TMF1: variants seen among roughly 807,000 people sequenced by gnomAD.
TMF1 encodes the protein TATA element modulatory factor.
TMF1 carries 71 observed loss-of-function variants against 126.5 expected under a neutral mutation model. The observed-to-expected ratio is 0.56, with a 90% CI of 0.46 to 0.68. TMF1 has a LOEUF of 0.68. Among genes scored for constraint, TMF1 ranks in the 30% least tolerant of loss-of-function variants. TMF1 has a pLI of 0.00. For synonymous variants in TMF1, 461 were observed against 430.5 expected, an observed-to-expected ratio of 1.07 and a Z score of -0.88; for missense variants, 1,259 against 1,253.2, an observed-to-expected ratio of 1.00 and a Z score of -0.07.
chr3:69,036,924 G>T (rs2107462473), intron 8 of TMF1, among the ~76,000 whole-genome samples: 1 of 152,146 alleles, frequency 6.6e-6, no homozygotes, highest in South Asian at 2.1e-4. Flanking sequence ...ACATAGATAA[G>T]CTAGACTTTG....
At position 69,048,470 on chromosome 3, in the gene TMF1, T is replaced by C. The variant is rs2091908565; in HGVS notation, c.235A>G (p.Lys79Glu). 3.1e-6 allele frequency: 5 copies of C among 1,614,052 alleles called. No individual in the cohort carries two copies. The African/African-American group carries it at 6.7e-5, about 22-fold the overall frequency. Residue 79 changes from lysine to glutamate, a missense_variant, in exon 2 of 17, where the codon AAA becomes GAA. Lys to Glu is a moderately conservative substitution (Grantham distance 56, BLOSUM62 1). Coordinates refer to ENST00000398559, the MANE Select transcript of TMF1 (RefSeq NM_007114.3). ...CTCCGAACTGGCTTTGTGATTGCTT[T>C]AGGAGAGGCTATTGGTGGACTCTGA... ...EPQSPPIASP[K>E]AITKPVRRTV...
At position 69,048,573 on chromosome 3, in the gene TMF1, A is replaced by G. The variant is rs1232339216; in HGVS notation, c.143-11T>C. On this transcript the variant is annotated splice_polypyrimidine_tract_variant and intron_variant, in intron 1 of 16. Transcript: ENST00000398559. Reference sequence around the variant, plus strand: ...CAGGGGAACTTATTCCTTTAACAAAAAAGTAAATATTAAAAAAGAACACAT... The same window carrying G: ...CAGGGGAACTTATTCCTTTAACAAAGAAGTAAATATTAAAAAAGAACACAT... 6.4e-7 allele frequency: 1 copy of G among 1,556,738 alleles called. No homozygotes were observed. The highest frequency in any genetic ancestry group is 8.7e-7 in the Non-Finnish European group (1 of 1,154,824).
intron 9 of TMF1, chr3:69,034,024 A>G (rs13073272): frequency 0.49 from 87,999 of 177,800 alleles, 22,442 homozygotes; most frequent in Admixed American, 0.59. Flanking sequence ...CATGTTGCTC[A>G]GGCTGGCCTC....
chr3:69,038,077 AC>A (rs1184305815), intron 8 of TMF1, among the ~76,000 whole-genome samples: 2 of 152,214 alleles, frequency 1.3e-5, no homozygotes, highest in Non-Finnish European at 2.9e-5. Flanking sequence ...ATATGTTCAC[AC>A]AAAAATTTGT....
Position 69,047,630 on chromosome 3 carries a change from T to C in TMF1, c.1075A>G (p.Ile359Val), listed in dbSNP as rs1471179381. 9 of 1,614,152 alleles carry C rather than the reference T, an allele frequency of 5.6e-6. No homozygotes were observed. The highest frequency in any genetic ancestry group is 7.6e-6 in the Non-Finnish European group (9 of 1,180,036). ...GACTTTGGAGTTGAAGAATTAACTA[T>C]AATAGGCACTAAAGCATATCCCTTG... Reference protein sequence around the residue: ...SGKGYALVPIIVNSSTPKSKT... With the variant: ...SGKGYALVPIVVNSSTPKSKT... Residue 359 changes from isoleucine to valine, a missense_variant, in exon 2 of 17, where the codon ATA becomes GTA. By Grantham distance (29) the Ile-to-Val change is conservative. Transcript: ENST00000398559.
At chr3:69,044,318 G>A (rs1316307583) in intron 3 of TMF1, among the ~76,000 whole-genome samples, 174 bp downstream of exon 3, 1 of 152,112 alleles carries the variant, frequency 6.6e-6, no homozygotes, top group Non-Finnish European at 1.5e-5. Context: ...ATGGCAAAGG[G>A]TAAAGACAAT....
chr3:69,045,757 TAAATA>T (rs1185217367), intron 2 of TMF1, among the ~76,000 whole-genome samples: 1 of 151,218 alleles, frequency 6.6e-6, no homozygotes, highest in Admixed American at 6.6e-5. Flanking sequence ...AAAAAATAAA[TAAATA>T]AAATAAAATA....
chr3:69,029,759 A>C, intron 11 of TMF1, 56 bp downstream of exon 11: 2 of 1,497,876 alleles, frequency 1.3e-6, no homozygotes, highest in Non-Finnish European at 1.8e-6. Flanking sequence ...TACTTTTAAA[A>C]AGTGCTTTAG....
At position 69,021,779 on chromosome 3, in the gene TMF1, C is replaced by G. The variant is rs978276594; in HGVS notation, c.*1398G>C. The G allele has an allele frequency of 2.0e-5, 3 of 151,714 alleles. No individual in the cohort carries two copies. The highest frequency in any genetic ancestry group is 7.3e-5 in the African/African-American group (3 of 41,282). 9.4% of individuals were successfully genotyped at this position (151,714 alleles called of 1,614,324 possible). A position where few individuals can be genotyped will look rare whatever the true frequency, so the allele number is the denominator to read the frequency against. ...CATTGTAACCTCCACCTCCCAGGTT[C>G]AAGCAATGCTCCTGCCTCAGCCTCC... On this transcript the variant is annotated 3_prime_UTR_variant, in exon 17 of 17. Coordinates refer to ENST00000398559, the MANE Select transcript of TMF1 (RefSeq NM_007114.3).
At chr3:69,046,553 C>T (rs1487137456) in intron 2 of TMF1, among the ~76,000 whole-genome samples, 11 of 152,136 alleles carry the variant, frequency 7.2e-5, no homozygotes, top group Non-Finnish European at 4.4e-5. Context: ...ATGGCACTTA[C>T]AGGACATTTC....
intron 5 of TMF1, among the ~76,000 whole-genome samples, chr3:69,039,998 A>G (rs775070854): frequency 1.3e-5 from 2 of 152,232 alleles, no homozygotes; most frequent in Non-Finnish European, 1.5e-5. Context: ...GGCATCACCA[A>G]TTGTAGTACA....
At chr3:69,039,400 C>T in intron 6 of TMF1, 151 bp downstream of exon 6, 2 of 916,114 alleles carry the variant, frequency 2.2e-6, no homozygotes, top group South Asian at 2.0e-5. Context: ...CCCCACTCGG[C>T]TAAAAAATCT....
intron 1 of TMF1, among the ~76,000 whole-genome samples, chr3:69,049,577 A>G (rs2091914771): frequency 6.6e-6 from 1 of 152,212 alleles, no homozygotes; most frequent in Non-Finnish European, 1.5e-5. Context: ...AAATTATGTC[A>G]GAAATTACAA....
chr3:69,035,124 G>C lies in TMF1; in HGVS notation c.2152-9C>G. On this transcript the variant is annotated splice_polypyrimidine_tract_variant and intron_variant, in intron 8 of 16. Transcript: ENST00000398559. ...AGCCTAAGGTCCCCCACCTGTAGGA[G>C]GAGAAACAATACATTCACAAACAAT... The C allele has an allele frequency of 6.2e-7, 1 of 1,610,124 alleles. No individual in the cohort carries two copies. Among genetic ancestry groups the C allele is most frequent in the Non-Finnish European group, 8.5e-7 (1 of 1,176,920 alleles).
At chr3:69,050,281 A>G (rs1008064274) in intron 1 of TMF1, among the ~76,000 whole-genome samples, 2 of 151,696 alleles carry the variant, frequency 1.3e-5, no homozygotes, top group East Asian at 3.9e-4. Context: ...AAACAAAAAA[A>G]CAAATATATA....
Position 69,023,312 on chromosome 3 carries a change from A to G in TMF1, c.3147T>C (p.Asp1049=), listed in dbSNP as rs367796742. 3.2e-5 allele frequency: 52 copies of G among 1,605,542 alleles called. No homozygotes were observed. Among genetic ancestry groups the G allele is most frequent in the Non-Finnish European group, 4.3e-5 (51 of 1,177,350 alleles). Residue 1049 remains aspartate (D), a synonymous_variant, in exon 17 of 17, where the codon GAT becomes GAC. Coordinates refer to ENST00000398559, the MANE Select transcript of TMF1 (RefSeq NM_007114.3). ...PKLRTQLRDL[D]QRYNTILQMY... ...TCTGCAGAATAGTGTTGTACCTTTG[A>G]TCCAAATCCTGAAAAATGTATTTGT...
intron 2 of TMF1, among the ~76,000 whole-genome samples, chr3:69,046,090 TAGAG>T (rs566636712): frequency 3.3e-5 from 5 of 152,050 alleles, no homozygotes; most frequent in African/African-American, 1.2e-4. Flanking sequence ...GCCTGGACAA[TAGAG>T]AGAGACCCTG....
At position 69,047,880 on chromosome 3, in the gene TMF1, C is replaced by G. The variant is rs34206158; in HGVS notation, c.825G>C (p.Ser275=). ...ATTTTGAATCTGTAGTCTCTTGTCT[C>G]GAGCTCGCTGAGCTCTCACTTATTA... ...ESVISESSAS[S]RQETTDSKSS... The change falls in exon 2 of 17, where the codon TCG becomes TCC. Residue 275 remains serine, a synonymous_variant. Transcript: ENST00000398559. The G allele has an allele frequency of 3.3e-4, 532 of 1,613,924 alleles. 2 individuals carry two copies. In the African/African-American group the frequency reaches 6.4e-3, roughly 19 times the overall value.
chr3:69,048,774 T>C (rs1432585918), intron 1 of TMF1: 3 of 441,584 alleles, frequency 6.8e-6, no homozygotes, highest in South Asian at 8.2e-5. Context: ...TGGGTCCACC[T>C]GAGAGGAAGG....
Sources: gnomAD v4.1 joint callset for allele counts (sites outside exome capture counted in the v4.1 genomes callset) on GRCh38, gnomAD v4.1.1 for gene constraint, MANE v1.5 for transcripts, NCBI Gene and HGNC (gene_info 2026-07-23, HGNC 2026-07-21) for gene names.